FAM107B: variants seen among roughly 807,000 people sequenced by gnomAD.
FAM107B encodes the protein protein FAM107B.
A neutral mutation model predicts 31.5 loss-of-function variants in FAM107B; 21 were observed. That is an observed-to-expected ratio of 0.67 (90% confidence interval 0.47 to 0.96). FAM107B has a LOEUF of 0.96. FAM107B is among the 40% of genes least tolerant of loss of function. The pLI is 0.00. For missense variants in FAM107B, 452 were observed against 377.1 expected, an observed-to-expected ratio of 1.20 and a Z score of -1.64; for synonymous variants, 157 against 141.5, an observed-to-expected ratio of 1.11 and a Z score of -0.78.
chr10:14,521,741 G>T (rs1024358108), intron 4 of FAM107B, 128 bp downstream of exon 4: 1 of 1,348,480 alleles, frequency 7.4e-7, no homozygotes, highest in African/African-American at 1.5e-5. Context: ...GCTGACATTT[G>T]TCTCCAATAT....
At chr10:14,541,990 T>C (rs1271909547) in intron 2 of FAM107B, among the ~76,000 whole-genome samples, 1 of 152,172 alleles carries the variant, frequency 6.6e-6, no homozygotes, top group African/African-American at 2.4e-5. Context: ...GCACAGTGGC[T>C]CACGCCTGTA....
intron 1 of FAM107B, among the ~76,000 whole-genome samples, chr10:14,759,715 T>C (rs1833005039): frequency 6.6e-6 from 1 of 152,144 alleles, no homozygotes; most frequent in African/African-American, 2.4e-5. Context: ...GCCTTCTTTT[T>C]TTTTCTTTTT....
At chr10:14,580,065 C>T (rs1439329065) in intron 2 of FAM107B, among the ~76,000 whole-genome samples, 2 of 149,768 alleles carry the variant, frequency 1.3e-5, no homozygotes, top group East Asian at 2.0e-4. Flanking sequence ...AATAAAATAA[C>T]ATTAGAAAGC....
At chr10:14,610,128 G>T (rs1040578877) in intron 2 of FAM107B, among the ~76,000 whole-genome samples, 8 of 152,158 alleles carry the variant, frequency 5.3e-5, no homozygotes, top group Admixed American at 2.0e-4. Context: ...TGGATCACGA[G>T]GTCAGGAGAT....
intron 2 of FAM107B, among the ~76,000 whole-genome samples, chr10:14,551,669 C>T (rs1374948064): frequency 7.1e-6 from 1 of 141,046 alleles, no homozygotes; most frequent in Non-Finnish European, 1.5e-5. Flanking sequence ...TTATTTTCCA[C>T]TTACAAAATG....
At chr10:14,541,115 G>C (rs1014431549) in intron 2 of FAM107B, among the ~76,000 whole-genome samples, 2 of 151,992 alleles carry the variant, frequency 1.3e-5, no homozygotes, top group African/African-American at 4.8e-5. Context: ...TTCCATAAAC[G>C]CATCTGAAAA....
chr10:14,667,775 C>T lies in FAM107B; in HGVS notation c.412-84G>A, dbSNP rs1854443817. 5 of 1,411,730 alleles carry T rather than the reference C, an allele frequency of 3.5e-6. No individual in the cohort carries two copies. In the East Asian group the frequency reaches 1.1e-4, roughly 32 times the overall value. The allele number at this position is 1,411,730 out of a possible 1,614,324, so 87.5% of individuals were successfully genotyped here. ...TAAGGCAATACTTTTTGCAAGCCTA[C>T]TAATTAATATGAGATCAAGACTTGA... On this transcript the variant is annotated intron_variant, in intron 1 of 4. Transcript: ENST00000181796.
chr10:14,757,561 A>T (rs2131587574), intron 1 of FAM107B, among the ~76,000 whole-genome samples: 1 of 152,308 alleles, frequency 6.6e-6, no homozygotes, highest in East Asian at 1.9e-4. Context: ...ATTTCCCTGC[A>T]GAAAGTTGAG....
In FAM107B at chr10:14,569,187, C is replaced by T. The variant is rs1379720501; in HGVS notation, c.470-38672G>A. 2.6e-5 allele frequency among the ~76,000 whole-genome samples: 4 copies of T among 152,156 alleles called. No individual in the cohort carries two copies. The South Asian group carries it at 8.3e-4, about 32-fold the overall frequency. On this transcript the variant is annotated intron_variant, in intron 2 of 4. Coordinates refer to ENST00000181796, the MANE Select transcript of FAM107B (RefSeq NM_031453.4). ...CCCACCCTCGAGTCTCCTTAAATTC[C>T]TCATATTCCACAAATGATGTGTGTT...
At chr10:14,646,192 T>C (rs1853748564) in intron 2 of FAM107B, among the ~76,000 whole-genome samples, 2 of 152,248 alleles carry the variant, frequency 1.3e-5, no homozygotes, top group South Asian at 2.1e-4. Flanking sequence ...AAAAATGTTT[T>C]TTTTATTTCA....
chr10:14,754,083 C>T (rs1397119400), intron 1 of FAM107B, among the ~76,000 whole-genome samples: 1 of 152,020 alleles, frequency 6.6e-6, no homozygotes, highest in Non-Finnish European at 1.5e-5. Flanking sequence ...GGATTACAGG[C>T]ATGTGCCACC....
At chr10:14,619,708 T>TTAA (rs1852951735) in intron 2 of FAM107B, among the ~76,000 whole-genome samples, 1 of 104,632 alleles carries the variant, frequency 9.6e-6, no homozygotes, top group Admixed American at 1.0e-4. Flanking sequence ...GTGTCCTAGC[T>TTAA]AAAAAAAAAA....
intron 1 of FAM107B, among the ~76,000 whole-genome samples, chr10:14,773,227 TGTC>T (rs1833346206): frequency 6.6e-6 from 1 of 152,190 alleles, no homozygotes; most frequent in Non-Finnish European, 1.5e-5. Flanking sequence ...ACCTGCAGGG[TGTC>T]AAATGAAACT....
At chr10:14,558,400 G>A (rs1037391190) in intron 2 of FAM107B, among the ~76,000 whole-genome samples, 1 of 152,116 alleles carries the variant, frequency 6.6e-6, no homozygotes, top group Non-Finnish European at 1.5e-5. Context: ...TCACCCTGAG[G>A]TGTAAAATAA....
chr10:14,600,948 C>T (rs142693330), intron 2 of FAM107B, among the ~76,000 whole-genome samples: 482 of 152,100 alleles, frequency 3.2e-3, no homozygotes, highest in African/African-American at 0.011. Context: ...GCTAATTTTT[C>T]GTAGAGATGA....
intron 1 of FAM107B, among the ~76,000 whole-genome samples, chr10:14,706,614 T>A (rs1855526257): frequency 6.6e-6 from 1 of 152,182 alleles, no homozygotes; most frequent in Admixed American, 6.5e-5. Flanking sequence ...TATATATAGC[T>A]TTTCCCCAAA....
intron 1 of FAM107B, chr10:14,723,817 C>G (rs1475411254): frequency 6.6e-6 from 5 of 757,056 alleles, no homozygotes; most frequent in Non-Finnish European, 1.2e-5. Flanking sequence ...GCCAGTATAC[C>G]TGGAGGACAT....
At chr10:14,600,234 AC>A (rs1206507685) in intron 2 of FAM107B, among the ~76,000 whole-genome samples, 2 of 152,232 alleles carry the variant, frequency 1.3e-5, no homozygotes, top group African/African-American at 4.8e-5. Flanking sequence ...ACGTCCTACC[AC>A]AACCGGCTTC....
intron 3 of FAM107B, among the ~76,000 whole-genome samples, chr10:14,528,790 T>C (rs1044115117): frequency 1.3e-5 from 2 of 152,208 alleles, no homozygotes; most frequent in African/African-American, 4.8e-5. Context: ...ACTGCACAAA[T>C]CTGTAGGTTT....
Sources: gnomAD v4.1 joint callset for allele counts (sites outside exome capture counted in the v4.1 genomes callset) on GRCh38, gnomAD v4.1.1 for gene constraint, MANE v1.5 for transcripts, NCBI Gene and HGNC (gene_info 2026-07-23, HGNC 2026-07-21) for gene names.